The following DCLK2 variants were observed in gnomAD, a reference collection of about 807,000 sequenced individuals.
The protein encoded by DCLK2 is doublecortin like kinase 2.
DCLK2 carries 31 observed loss-of-function variants against 78.4 expected under a neutral mutation model. That is an observed-to-expected ratio of 0.40 (90% confidence interval 0.30 to 0.53). The LOEUF (loss-of-function observed/expected upper bound fraction) is 0.53. DCLK2 is among the 20% of genes least tolerant of loss of function. The pLI is 0.61. For missense variants in DCLK2, 872 were observed against 973.7 expected, an observed-to-expected ratio of 0.90 and a Z score of 1.39; for synonymous variants, 407 against 374.9, an observed-to-expected ratio of 1.09 and a Z score of -0.99.
intron 2 of DCLK2, among the ~76,000 whole-genome samples, chr4:150,126,153 A>G (rs1732904459): frequency 6.6e-6 from 1 of 152,154 alleles, no homozygotes; most frequent in South Asian, 2.1e-4. Flanking sequence ...TTGCCCCTCT[A>G]AGAAGCCATT....
At position 150,193,145 on chromosome 4, in the gene DCLK2, G is replaced by A. The variant is rs746945054; in HGVS notation, c.764G>A (p.Cys255Tyr). 8.1e-6 allele frequency: 13 copies of A among 1,604,188 alleles called. No individual in the cohort carries two copies. Among genetic ancestry groups the A allele is most frequent in the Non-Finnish European group, 9.4e-6 (11 of 1,173,066 alleles). ...CATGATTTTTGTTCTCAGGTTACTT[G>A]TCTGCAAGACTTTTTTGGTGATGAC... ...LCTLDGKQVTCLQDFFGDDDV... is the reference protein window; with the variant it reads ...LCTLDGKQVTYLQDFFGDDDV... Residue 255 changes from cysteine to tyrosine, a missense_variant, in exon 3 of 16, where the codon TGT (cysteine) becomes TAT (tyrosine). Physicochemically the swap from Cys to Tyr is radical, Grantham distance 194. This residue lies in a region of DCLK2 where 567 missense variants were observed against 593.4 expected (regional missense o/e 0.96). Coordinates refer to ENST00000296550, the MANE Select transcript of DCLK2 (RefSeq NM_001040260.4).
rs529226829 is a variant in DCLK2 at position 150,250,767 on chromosome 4, C to A, written c.2073+1083C>A. ...ACTAGAAGGGAAACAGTGGCATATT[C>A]TCATGGTACATGGTTGTCTGAGAGC... On this transcript the variant is annotated intron_variant, in intron 15 of 15. Coordinates refer to ENST00000296550, the MANE Select transcript of DCLK2 (RefSeq NM_001040260.4). Among the ~76,000 whole-genome samples, 4 of 151,634 alleles carry A rather than the reference C, an allele frequency of 2.6e-5. No individual in the cohort carries two copies. The South Asian group carries it at 8.3e-4, about 32-fold the overall frequency.
chr4:150,133,330 G>A (rs1237088033), intron 2 of DCLK2, among the ~76,000 whole-genome samples: 3 of 152,216 alleles, frequency 2.0e-5, no homozygotes, highest in Non-Finnish European at 2.9e-5. Context: ...CTCTGTGCAT[G>A]TATGAGAATG....
chr4:150,197,969 A>G (rs376305398), intron 3 of DCLK2, 33 bp from the exon 4 acceptor site: 1 of 1,572,912 alleles, frequency 6.4e-7, no homozygotes, highest in Non-Finnish European at 8.7e-7. Context: ...TATTAAAACC[A>G]GATTTAGTTA....
chr4:150,211,846 T>A (rs776520994), intron 5 of DCLK2, among the ~76,000 whole-genome samples: 7 of 152,180 alleles, frequency 4.6e-5, no homozygotes, highest in Non-Finnish European at 8.8e-5. Flanking sequence ...TGCAAGTTCC[T>A]CAGAGTCTCT....
At chr4:150,192,479 A>AAAC (rs386401852) in intron 2 of DCLK2, among the ~76,000 whole-genome samples, 4 of 4,568 alleles carry the variant, frequency 8.8e-4, no homozygotes, top group Non-Finnish European at 4.4e-3. Context: ...ATTGCGTCTC[A>AAAC]AAAAAAAAAA....
At chr4:150,233,154 G>A (rs557282373) in intron 10 of DCLK2, among the ~76,000 whole-genome samples, 85 of 152,280 alleles carry the variant, frequency 5.6e-4, no homozygotes, top group Non-Finnish European at 2.9e-4. Flanking sequence ...CAATCATGGC[G>A]GAAGGCGAAG....
intron 2 of DCLK2, among the ~76,000 whole-genome samples, chr4:150,182,986 A>G (rs567351352): frequency 6.6e-6 from 1 of 152,070 alleles, no homozygotes; most frequent in South Asian, 2.1e-4. Context: ...CACACCACCA[A>G]CCGCCCCCAC....
intron 1 of DCLK2, among the ~76,000 whole-genome samples, chr4:150,095,591 A>G (rs1216319421): frequency 6.6e-6 from 1 of 152,204 alleles, no homozygotes; most frequent in African/African-American, 2.4e-5. Flanking sequence ...ATGTGTGTGT[A>G]TATAGAGTGT....
chr4:150,170,748 AC>A, intron 2 of DCLK2, among the ~76,000 whole-genome samples: 1 of 152,346 alleles, frequency 6.6e-6, no homozygotes, highest in East Asian at 1.9e-4. Flanking sequence ...TAGAGGCTGA[AC>A]AAAGACCAGA....
chr4:150,116,129 GA>G (rs2150174387), intron 2 of DCLK2, among the ~76,000 whole-genome samples: 1 of 152,308 alleles, frequency 6.6e-6, no homozygotes, highest in Non-Finnish European at 1.5e-5. Flanking sequence ...GAGGAACTGT[GA>G]CTTTATACCT....
chr4:150,078,734 C>G lies in DCLK2; in HGVS notation c.-294C>G. On this transcript the variant is annotated 5_prime_UTR_variant, in exon 1 of 16. Transcript: ENST00000296550. ...CCGAGCGGGACTTGTGAGGCGTGGC[C>G]GGGTGGAGGAGGCGCTTGCGGGGGC... 1 of 266,886 alleles carries G rather than the reference C, an allele frequency of 3.7e-6. No homozygotes were observed. The highest frequency in any genetic ancestry group is 1.6e-4 in the South Asian group (1 of 6,296). 16.5% of individuals were successfully genotyped at this position (266,886 alleles called of 1,614,324 possible). A position where few individuals can be genotyped will look rare whatever the true frequency, so the allele number is the denominator to read the frequency against.
intron 1 of DCLK2, among the ~76,000 whole-genome samples, chr4:150,083,982 A>G (rs539330365): frequency 1.8e-4 from 27 of 152,346 alleles, no homozygotes; most frequent in African/African-American, 6.5e-4. Context: ...TACAAACAAG[A>G]TGGCTTCAGC....
intron 4 of DCLK2, among the ~76,000 whole-genome samples, chr4:150,201,387 CT>C (rs1739439916): frequency 6.6e-6 from 1 of 152,100 alleles, no homozygotes; most frequent in Non-Finnish European, 1.5e-5. Flanking sequence ...CCCCATTAGC[CT>C]CCCCAGAACT....
At chr4:150,180,938 G>A (rs1227207938) in intron 2 of DCLK2, among the ~76,000 whole-genome samples, 3 of 152,142 alleles carry the variant, frequency 2.0e-5, no homozygotes, top group Non-Finnish European at 4.4e-5. Context: ...TCCAGAAAGA[G>A]TCCTGCCCCA....
At chr4:150,149,487 A>C (rs1734738079) in intron 2 of DCLK2, among the ~76,000 whole-genome samples, 1 of 152,188 alleles carries the variant, frequency 6.6e-6, no homozygotes, top group African/African-American at 2.4e-5. Flanking sequence ...AGGATGTTTC[A>C]CAGAGGGAAT....
chr4:150,181,363 C>T (rs979365234), intron 2 of DCLK2, among the ~76,000 whole-genome samples: 6 of 151,796 alleles, frequency 4.0e-5, no homozygotes, highest in Non-Finnish European at 5.9e-5. Context: ...GGGTAGGGAG[C>T]GGCTCTCAGT....
intron 2 of DCLK2, among the ~76,000 whole-genome samples, chr4:150,181,528 A>G (rs907826298): frequency 6.6e-6 from 1 of 152,134 alleles, no homozygotes; most frequent in African/African-American, 2.4e-5. Flanking sequence ...CTAAAGCCAA[A>G]TCTTTGGTCT....
At chr4:150,206,612 T>G (rs1159504156) in intron 5 of DCLK2, among the ~76,000 whole-genome samples, 1 of 152,178 alleles carries the variant, frequency 6.6e-6, no homozygotes, top group Non-Finnish European at 1.5e-5. Context: ...GCTAGGAATA[T>G]AGTTCTGTTA....
Sources: allele counts gnomAD v4.1 joint callset (sites outside exome capture counted in the v4.1 genomes callset), GRCh38; gene constraint gnomAD v4.1.1; regional missense constraint gnomAD v4.1.1; transcripts MANE v1.5; gene names NCBI Gene and HGNC (gene_info 2026-07-23, HGNC 2026-07-21).